Variants in STK4 observed in about 807,000 individuals in gnomAD.
The protein encoded by STK4 is serine/threonine-protein kinase 4.
Under a neutral mutation model 64.9 loss-of-function variants are expected in STK4, and 30 were observed. The observed-to-expected ratio is 0.46, with a 90% confidence interval of 0.35 to 0.63. The LOEUF (loss-of-function observed/expected upper bound fraction) is 0.63. STK4 is among the 20% of genes least tolerant of loss of function. STK4 has a pLI of 0.01. For synonymous variants in STK4, 177 were observed against 199.0 expected (o/e 0.89, Z 0.93); for missense variants, 466 against 598.5 (o/e 0.78, Z 2.31).
chr20:45,015,949 C>G (rs189224014), intron 9 of STK4, among the ~76,000 whole-genome samples: 1 of 152,124 alleles, frequency 6.6e-6, no homozygotes, highest in Admixed American at 6.5e-5. Context: ...TTTTCTTCTT[C>G]CTAATTCCTT....
At chr20:44,967,139 G>T in intron 1 of STK4, 1 of 985,314 alleles carries the variant, frequency 1.0e-6, no homozygotes, top group Non-Finnish European at 1.2e-6. Context: ...GGAGGGGATG[G>T]TGGAGGGTAG....
At chr20:45,054,905 G>C (rs1220374909) in intron 10 of STK4, among the ~76,000 whole-genome samples, 1 of 152,110 alleles carries the variant, frequency 6.6e-6, no homozygotes, top group African/African-American at 2.4e-5. Context: ...CTCTCATTAA[G>C]GCAATACAGG....
chr20:45,027,732 G>T (rs1218756815), intron 10 of STK4, among the ~76,000 whole-genome samples: 1 of 151,820 alleles, frequency 6.6e-6, no homozygotes, highest in African/African-American at 2.4e-5. Flanking sequence ...ACATATTTTT[G>T]TACCCCTTAA....
chr20:45,013,239 G>A (rs928308791), intron 9 of STK4, among the ~76,000 whole-genome samples: 2 of 152,034 alleles, frequency 1.3e-5, no homozygotes, highest in African/African-American at 2.4e-5. Flanking sequence ...GAATTTGGTC[G>A]ATACCCCTTA....
Position 44,987,250 on chromosome 20 carries a change from A to G in STK4, c.479A>G (p.Glu160Gly), listed in dbSNP as rs2067545689. Reference sequence around the variant, plus strand: ...GCAGGAAATATTTTGCTAAATACAGAAGGACATGCAAAACTTGCAGATTTT... The same window carrying G: ...GCAGGAAATATTTTGCTAAATACAGGAGGACATGCAAAACTTGCAGATTTT... Reference protein sequence around the residue: ...IKAGNILLNTEGHAKLADFGV... With the variant: ...IKAGNILLNTGGHAKLADFGV... Residue 160 changes from glutamate to glycine, a missense_variant, in exon 5 of 11, where the codon GAA becomes GGA. By Grantham distance (98) the Glu-to-Gly change is moderately conservative (BLOSUM62 -2). This residue lies in a region of STK4 where 190 missense variants were observed against 289.7 expected (regional missense o/e 0.66). Coordinates refer to ENST00000372806, the MANE Select transcript of STK4 (RefSeq NM_006282.5). The G allele has an allele frequency of 6.2e-7, 1 of 1,611,220 alleles. No homozygotes were observed. Among genetic ancestry groups the G allele is most frequent in the Non-Finnish European group, 8.5e-7 (1 of 1,179,280 alleles).
chr20:44,980,079 T>C (rs140828337), intron 3 of STK4, among the ~76,000 whole-genome samples: 10 of 152,304 alleles, frequency 6.6e-5, no homozygotes, highest in African/African-American at 2.4e-4. Flanking sequence ...TGGGAGTTTA[T>C]AGACTAATTG....
chr20:45,064,793 A>G lies in STK4; in HGVS notation c.1306-10225A>G, dbSNP rs76989271. On this transcript the variant is annotated intron_variant, in intron 10 of 10. Transcript: ENST00000372806. ...AATGCTACTTATTATATTTTTGTAC[A>G]TTGATTTTATATACTGAAACTTTGC... Among the ~76,000 whole-genome samples the G allele has an allele frequency of 6.7e-3, 1,020 of 152,288 alleles. 5 individuals are homozygous for G. The highest frequency in any genetic ancestry group is 0.01 in the Non-Finnish European group (689 of 68,030).
chr20:44,968,499 G>C (rs1429333274), intron 1 of STK4, among the ~76,000 whole-genome samples: 1 of 152,202 alleles, frequency 6.6e-6, no homozygotes, highest in Non-Finnish European at 1.5e-5. Context: ...AGGTCTCTGT[G>C]TATGTTAGCA....
intron 10 of STK4, among the ~76,000 whole-genome samples, chr20:45,062,237 C>T (rs1421772735): frequency 6.6e-6 from 1 of 152,158 alleles, no homozygotes; most frequent in Non-Finnish European, 1.5e-5. Context: ...CCTCCAACTC[C>T]ATCCATGTTG....
In STK4 at chr20:45,012,846, C is replaced by T. The variant is rs117449336; in HGVS notation, c.1147+11493C>T. On this transcript the variant is annotated intron_variant, in intron 9 of 10. Coordinates refer to ENST00000372806, the MANE Select transcript of STK4 (RefSeq NM_006282.5). ...TGTCTCACTCTGGAATGCAGTGGCG[C>T]GATCCTAGCTCACTGCAGCCTTGAA... 6.6e-3 allele frequency among the ~76,000 whole-genome samples: 949 copies of T among 143,326 alleles called. 28 individuals carry two copies. The East Asian group carries it at 0.099, about 15-fold the overall frequency. The allele number at this position is 143,326 out of a possible 152,430, so 94.0% of individuals were successfully genotyped here.
chr20:45,057,939 C>G (rs964984027), intron 10 of STK4, among the ~76,000 whole-genome samples: 14 of 152,046 alleles, frequency 9.2e-5, no homozygotes, highest in African/African-American at 3.4e-4. Flanking sequence ...AATATTTAGG[C>G]TATATACATA....
Position 45,062,925 on chromosome 20 carries a change from C to T in STK4, c.1306-12093C>T, listed in dbSNP as rs1462323964. Among the ~76,000 whole-genome samples, 6 of 144,072 alleles carry T rather than the reference C, an allele frequency of 4.2e-5. No individual in the cohort carries two copies. In the East Asian group the frequency reaches 6.2e-4, roughly 15 times the overall value. 94.5% of individuals were successfully genotyped at this position (144,072 alleles called of 152,430 possible). ...CAGAACGGTCTCAATCTCCTGACCT[C>T]GTGATCCGCCCGCCTCGGCCTCCCA... On this transcript the variant is annotated intron_variant, in intron 10 of 10. Coordinates refer to ENST00000372806, the MANE Select transcript of STK4 (RefSeq NM_006282.5).
chr20:45,025,803 G>C (rs1033094590), intron 10 of STK4, among the ~76,000 whole-genome samples: 1 of 152,120 alleles, frequency 6.6e-6, no homozygotes, highest in African/African-American at 2.4e-5. Flanking sequence ...AAATTCTGAA[G>C]TTTGATCCTC....
Position 45,001,182 on chromosome 20 carries a change from G to A in STK4, c.976G>A (p.Asp326Asn). 2 of 1,611,898 alleles carry A rather than the reference G, an allele frequency of 1.2e-6. No individual in the cohort carries two copies. Among genetic ancestry groups the A allele is most frequent in the South Asian group, 2.2e-5 (2 of 90,922 alleles). ...CCTTTTACAGGAAGAGGATGAAATG[G>A]ATTCTGGCACGATGGTTCGAGCAGT... The part of the protein sequence containing the change: ...DEENSEEDEM[D>N]SGTMVRAVGD... The change falls in exon 9 of 11, where the codon GAT becomes AAT. Residue 326 changes from aspartate (D) to asparagine (N), a missense_variant. By Grantham distance (23) the Asp-to-Asn change is conservative. Coordinates refer to ENST00000372806, the MANE Select transcript of STK4 (RefSeq NM_006282.5).
At chr20:44,992,131 T>C (rs975851386) in intron 5 of STK4, among the ~76,000 whole-genome samples, 20 of 152,086 alleles carry the variant, frequency 1.3e-4, no homozygotes, top group Non-Finnish European at 2.5e-4. Context: ...TTTCCAAATT[T>C]TATATAGAAA....
At chr20:44,975,278 G>A (rs2067319840) in intron 2 of STK4, 1 of 794,852 alleles carries the variant, frequency 1.3e-6, no homozygotes. Flanking sequence ...TTGCTTGTGA[G>A]TATGATTGCT....
intron 10 of STK4, among the ~76,000 whole-genome samples, chr20:45,074,090 T>G (rs1357971230): frequency 6.6e-6 from 1 of 152,188 alleles, no homozygotes; most frequent in Non-Finnish European, 1.5e-5. Context: ...GAGCATAGAC[T>G]CTAGAGCCAT....
chr20:45,043,623 A>G (rs6130739), intron 10 of STK4, among the ~76,000 whole-genome samples: 66,424 of 152,050 alleles, frequency 0.44, 15,125 homozygotes, highest in Middle Eastern at 0.54. Context: ...CCCAAACCTG[A>G]AATCCTGAAA....
intron 9 of STK4, among the ~76,000 whole-genome samples, chr20:45,010,462 T>C (rs1322643373): frequency 6.6e-6 from 1 of 152,232 alleles, no homozygotes; most frequent in South Asian, 2.1e-4. Context: ...ACTTAATATA[T>C]ACCACACACT....
Sources: allele counts gnomAD v4.1 joint callset (sites outside exome capture counted in the v4.1 genomes callset), GRCh38; gene constraint gnomAD v4.1.1; regional missense constraint gnomAD v4.1.1; transcripts MANE v1.5; gene names NCBI Gene and HGNC (gene_info 2026-07-23, HGNC 2026-07-21).